Variants in PDE1A observed in about 807,000 individuals in gnomAD.
PDE1A encodes dual specificity calcium/calmodulin-dependent 3',5'-cyclic nucleotide phosphodiesterase 1A.
In PDE1A, 35 loss-of-function variants were observed where a neutral mutation model predicts 61.7. The observed-to-expected ratio is 0.57, with a 90% CI of 0.43 to 0.75. PDE1A has a LOEUF of 0.75. PDE1A is among the 30% of genes least tolerant of loss of function. The pLI is 0.00. For missense variants in PDE1A, 597 were observed against 630.6 expected (o/e 0.95, Z 0.57); for synonymous variants, 232 against 213.2 (o/e 1.09, Z -0.77).
intron 3 of PDE1A, among the ~76,000 whole-genome samples, chr2:182,236,169 G>C (rs534199093): frequency 4.5e-4 from 68 of 152,228 alleles, no homozygotes; most frequent in African/African-American, 1.6e-3. Flanking sequence ...TGATTAGGTA[G>C]AATAAGAAAT....
At chr2:182,485,652 G>A (rs1897104) in intron 2 of PDE1A, among the ~76,000 whole-genome samples, 58,436 of 151,820 alleles carry the variant, frequency 0.38, 12,190 homozygotes, top group East Asian at 0.71. Context: ...ACACATCCAA[G>A]TGAGATTTAT....
chr2:182,253,432 T>C (rs1472469710), intron 2 of PDE1A, among the ~76,000 whole-genome samples: 1 of 152,202 alleles, frequency 6.6e-6, no homozygotes, highest in Non-Finnish European at 1.5e-5. Context: ...AGGTTTAGCT[T>C]TCTGCTTGAA....
intron 1 of PDE1A, among the ~76,000 whole-genome samples, chr2:182,396,252 C>G (rs1306837134): frequency 6.6e-6 from 1 of 152,212 alleles, no homozygotes; most frequent in Non-Finnish European, 1.5e-5. Flanking sequence ...ACAGTCCTTT[C>G]CTAGGACATC....
chr2:182,355,221 T>C (rs552312896), intron 1 of PDE1A, among the ~76,000 whole-genome samples: 1 of 152,088 alleles, frequency 6.6e-6, no homozygotes, highest in Non-Finnish European at 1.5e-5. Flanking sequence ...TGAATTATAC[T>C]AAAATAAATA....
At chr2:182,402,894 A>C (rs560886864) in intron 1 of PDE1A, among the ~76,000 whole-genome samples, 37 of 152,368 alleles carry the variant, frequency 2.4e-4, no homozygotes, top group Non-Finnish European at 3.8e-4. Flanking sequence ...TCAAAAGAAG[A>C]CATTTATGTT....
At chr2:182,646,323 G>A in the PDE1A span, among the ~76,000 whole-genome samples, 9 of 147,170 alleles carry the variant, frequency 6.1e-5, no homozygotes, top group South Asian at 2.2e-4. Flanking sequence ...ATAGTGGTGC[G>A]TACCTGTAGT....
intron 1 of PDE1A, among the ~76,000 whole-genome samples, chr2:182,384,480 AATAATAAT>A: frequency 6.7e-6 from 1 of 149,170 alleles, no homozygotes; most frequent in Non-Finnish European, 1.5e-5. Flanking sequence ...TAATAATAAT[AATAATAAT>A]AAAATAGAAA....
chr2:182,348,682 A>T (rs576280142), intron 1 of PDE1A, among the ~76,000 whole-genome samples: 1 of 151,964 alleles, frequency 6.6e-6, no homozygotes, highest in South Asian at 2.1e-4. Context: ...TCTTTGATCC[A>T]TAAAGTAGTT....
At chr2:182,447,946 T>G (rs1036239407) in intron 2 of PDE1A, among the ~76,000 whole-genome samples, 1 of 152,110 alleles carries the variant, frequency 6.6e-6, no homozygotes, top group Admixed American at 6.6e-5. Context: ...GTCAACTTTT[T>G]GACATTATGG....
chr2:182,671,114 C>T, the PDE1A span, among the ~76,000 whole-genome samples: 1 of 151,922 alleles, frequency 6.6e-6, no homozygotes, highest in Non-Finnish European at 1.5e-5. Flanking sequence ...CCACTGCGCC[C>T]AGCCATACTA....
At chr2:182,385,078 T>C (rs1700950933) in intron 1 of PDE1A, among the ~76,000 whole-genome samples, 1 of 152,132 alleles carries the variant, frequency 6.6e-6, no homozygotes, top group Non-Finnish European at 1.5e-5. Flanking sequence ...CAAAGCTTTA[T>C]AAATGAAGGC....
the PDE1A span, among the ~76,000 whole-genome samples, chr2:182,623,233 T>C: frequency 6.6e-6 from 1 of 152,020 alleles, no homozygotes; most frequent in Non-Finnish European, 1.5e-5. Flanking sequence ...AGGATGGAGG[T>C]GACAGCACAA....
intron 1 of PDE1A, among the ~76,000 whole-genome samples, chr2:182,276,261 T>C (rs759847155): frequency 1.3e-5 from 2 of 152,010 alleles, no homozygotes; most frequent in Non-Finnish European, 2.9e-5. Context: ...ATGCTCCAAA[T>C]AGCAACTGCT....
intron 1 of PDE1A, among the ~76,000 whole-genome samples, chr2:182,264,878 CATATATATATATATGT>C (rs1692506257): frequency 1.9e-5 from 2 of 106,876 alleles, no homozygotes; most frequent in East Asian, 2.8e-4. Context: ...TATATATATA[CATATATATATATATGT>C]ATATATATAC....
intron 1 of PDE1A, among the ~76,000 whole-genome samples, chr2:182,345,691 C>T (rs1698477811): frequency 6.6e-6 from 1 of 152,142 alleles, no homozygotes; most frequent in South Asian, 2.1e-4. Context: ...GTTTCCTCTG[C>T]CAGGAATACT....
chr2:182,574,893 T>C, the PDE1A span, among the ~76,000 whole-genome samples: 1,524 of 152,282 alleles, frequency 0.01, 12 homozygotes, highest in Middle Eastern at 0.034. Context: ...GGTTTCACTA[T>C]GTTGGCCAGG....
chr2:182,499,191 T>C (rs1688937000), intron 2 of PDE1A, among the ~76,000 whole-genome samples: 1 of 142,190 alleles, frequency 7.0e-6, no homozygotes, highest in South Asian at 2.4e-4. Context: ...TTTTTTTTTT[T>C]TTTGAGACGG....
At chr2:182,614,837 G>A in the PDE1A span, among the ~76,000 whole-genome samples, 16 of 152,312 alleles carry the variant, frequency 1.1e-4, 1 homozygote, top group Admixed American at 2.6e-4. Flanking sequence ...GATTACAGGC[G>A]TAAGCCATTG....
chr2:182,496,181 C>T (rs1186153226), intron 2 of PDE1A, among the ~76,000 whole-genome samples: 2 of 152,110 alleles, frequency 1.3e-5, no homozygotes, highest in South Asian at 2.1e-4. Context: ...TTCATACACT[C>T]ACTGCAGAGA....
Sources: allele counts gnomAD v4.1 joint callset (sites outside exome capture counted in the v4.1 genomes callset), GRCh38; gene constraint gnomAD v4.1.1; transcripts MANE v1.5; gene names NCBI Gene and HGNC (gene_info 2026-07-23, HGNC 2026-07-21).